Variants in SLCO6A1 observed in about 807,000 individuals in gnomAD.
The protein encoded by SLCO6A1 is solute carrier organic anion transporter family member 6A1, also known as cancer/testis antigen 48.
A neutral mutation model predicts 72.7 loss-of-function variants in SLCO6A1; 65 were observed. The ratio of observed to expected loss-of-function variants is 0.89; its 90% CI spans 0.73 to 1.10. The LOEUF is 1.10. Ranked by LOEUF, SLCO6A1 falls within the 50% of genes least tolerant of loss-of-function variation. The pLI is 0.00. For missense variants in SLCO6A1, 874 were observed against 872.6 expected (o/e 1.00, Z -0.02); for synonymous variants, 314 against 298.2 (o/e 1.05, Z -0.55).
intron 2 of SLCO6A1, among the ~76,000 whole-genome samples, chr5:102,479,332 T>C (rs1043931178): frequency 6.6e-6 from 1 of 152,200 alleles, no homozygotes; most frequent in African/African-American, 2.4e-5. Flanking sequence ...CTGTACAGGC[T>C]GCAGAACTGT....
At chr5:102,428,046 A>T (rs758215840) in intron 7 of SLCO6A1, among the ~76,000 whole-genome samples, 1 of 150,832 alleles carries the variant, frequency 6.6e-6, no homozygotes, top group Non-Finnish European at 1.5e-5. Flanking sequence ...TAATTTTTGT[A>T]TTTTTAGTAG....
chr5:102,461,923 A>G (rs538283177), intron 4 of SLCO6A1, among the ~76,000 whole-genome samples: 1 of 152,290 alleles, frequency 6.6e-6, no homozygotes, highest in African/African-American at 2.4e-5. Flanking sequence ...ATCAGTAAAG[A>G]GGAAGTCAAA....
At chr5:102,407,275 A>G (rs1747723434) in intron 9 of SLCO6A1, among the ~76,000 whole-genome samples, 1 of 152,188 alleles carries the variant, frequency 6.6e-6, no homozygotes, top group South Asian at 2.1e-4. Flanking sequence ...AAATTTCTGC[A>G]TAATCTGTCC....
At chr5:102,376,620 T>G (rs10041015) in intron 12 of SLCO6A1, among the ~76,000 whole-genome samples, 1 of 151,852 alleles carries the variant, frequency 6.6e-6, no homozygotes, top group Non-Finnish European at 1.5e-5. Flanking sequence ...AAGTCAATAA[T>G]AGAACACAAA....
chr5:102,420,686 T>C (rs530254439), intron 7 of SLCO6A1, among the ~76,000 whole-genome samples: 5 of 151,786 alleles, frequency 3.3e-5, no homozygotes, highest in African/African-American at 4.8e-5. Flanking sequence ...AATCCAAATA[T>C]ATAATACTGT....
At chr5:102,381,700 C>T (rs1487030888) in intron 12 of SLCO6A1, among the ~76,000 whole-genome samples, 1 of 148,858 alleles carries the variant, frequency 6.7e-6, no homozygotes, top group Admixed American at 6.7e-5. Context: ...TTGCAGGGTT[C>T]CCTTTTTTCC....
chr5:102,471,664 C>G (rs1463732007), intron 4 of SLCO6A1, among the ~76,000 whole-genome samples: 1 of 152,050 alleles, frequency 6.6e-6, no homozygotes, highest in Non-Finnish European at 1.5e-5. Flanking sequence ...TTATCCCTAG[C>G]AAGAATATCT....
intron 9 of SLCO6A1, among the ~76,000 whole-genome samples, chr5:102,401,005 T>A (rs1418094985): frequency 6.6e-6 from 1 of 151,906 alleles, no homozygotes; most frequent in Non-Finnish European, 1.5e-5. Context: ...ACTTGAGTAT[T>A]TAATGATAAG....
At position 102,388,813 on chromosome 5, in the gene SLCO6A1, C is replaced by T; in HGVS notation, c.1892G>A (p.Gly631Glu). The T allele has an allele frequency of 6.2e-7, 1 of 1,600,008 alleles. No individual in the cohort carries two copies. Among genetic ancestry groups the T allele is most frequent in the Non-Finnish European group, 8.5e-7 (1 of 1,176,344 alleles). ...VILRIFGTIP[G>E]PSIFKMSGET... is the part of the protein sequence containing the mutation. ...TCCTGACATTTTAAAGATTGATGGT[C>T]CAGGAATAGTCCCTATGAAAAATGC... is the stretch of plus-strand genomic sequence containing the variant. The change falls in exon 12 of 14, where the codon GGA becomes GAA. Residue 631 changes from glycine to glutamate, a missense_variant. Physicochemically the swap from Gly to Glu is moderately conservative, Grantham distance 98. Transcript: ENST00000506729.
chr5:102,373,478 T>C lies in SLCO6A1; in HGVS notation c.2034A>G (p.Leu678=), dbSNP rs375156373. 7.4e-5 allele frequency: 111 copies of C among 1,493,042 alleles called. No homozygotes were observed. Among genetic ancestry groups the C allele is most frequent in the Non-Finnish European group, 9.5e-5 (106 of 1,121,578 alleles). 92.5% of individuals were successfully genotyped at this position (1,493,042 alleles called of 1,614,324 possible). A position where few individuals can be genotyped will look rare whatever the true frequency, so the allele number is the denominator to read the frequency against. Residue 678 remains leucine, a synonymous_variant, in exon 13 of 14, where the codon CTA becomes CTG. Coordinates refer to ENST00000506729, the MANE Select transcript of SLCO6A1 (RefSeq NM_173488.5). ...CAATAGTAGTGAAGATGATAGTGCA[T>C]AGTTTGCAAAGAAAACCTAAATTTA... ...LLVGICFLCK[L]CTIIFTTIAF...
At chr5:102,461,531 A>G (rs987899560) in intron 4 of SLCO6A1, among the ~76,000 whole-genome samples, 4 of 152,162 alleles carry the variant, frequency 2.6e-5, no homozygotes, top group African/African-American at 9.6e-5. Context: ...ATAAAGCTTT[A>G]GTAACTAAAA....
intron 7 of SLCO6A1, among the ~76,000 whole-genome samples, chr5:102,433,990 C>T (rs1459064358): frequency 6.6e-6 from 1 of 152,054 alleles, no homozygotes; most frequent in Non-Finnish European, 1.5e-5. Context: ...CTTTCACTTT[C>T]AACCTTTTCA....
chr5:102,375,464 T>C (rs1269031090), intron 12 of SLCO6A1, among the ~76,000 whole-genome samples: 1 of 152,134 alleles, frequency 6.6e-6, no homozygotes, highest in Non-Finnish European at 1.5e-5. Flanking sequence ...TTTCAGTCTG[T>C]ATTATTCTAT....
intron 7 of SLCO6A1, among the ~76,000 whole-genome samples, chr5:102,436,267 A>G (rs2123134): frequency 0.64 from 97,113 of 151,994 alleles, 31,223 homozygotes; most frequent in African/African-American, 0.66. Context: ...GATGATATGC[A>G]GTTGGCTAGA....
intron 9 of SLCO6A1, among the ~76,000 whole-genome samples, chr5:102,406,956 T>C (rs1392398727): frequency 1.3e-5 from 2 of 152,154 alleles, no homozygotes; most frequent in Non-Finnish European, 2.9e-5. Flanking sequence ...GAAATGACTA[T>C]TTGTAGTCTG....
intron 11 of SLCO6A1, among the ~76,000 whole-genome samples, chr5:102,389,263 T>C (rs1425412629): frequency 6.6e-6 from 1 of 152,064 alleles, no homozygotes; most frequent in African/African-American, 2.4e-5. Flanking sequence ...ATCAAGACAT[T>C]GAGAAAAATA....
intron 12 of SLCO6A1, among the ~76,000 whole-genome samples, chr5:102,385,275 A>C (rs1195916923): frequency 6.6e-6 from 1 of 152,112 alleles, no homozygotes; most frequent in African/African-American, 2.4e-5. Context: ...TAGTGTTTTC[A>C]GTGAAGACTT....
At chr5:102,382,418 G>A (rs752022726) in intron 12 of SLCO6A1, among the ~76,000 whole-genome samples, 9 of 151,506 alleles carry the variant, frequency 5.9e-5, no homozygotes, top group African/African-American at 1.2e-4. Context: ...ATAGGGTTAC[G>A]CTTTCAGCTT....
intron 7 of SLCO6A1, among the ~76,000 whole-genome samples, chr5:102,434,597 A>G (rs990944141): frequency 2.6e-5 from 4 of 152,230 alleles, no homozygotes; most frequent in Non-Finnish European, 4.4e-5. Flanking sequence ...GCTTACAGAT[A>G]GGATGAAATT....
Sources: allele counts gnomAD v4.1 joint callset (sites outside exome capture counted in the v4.1 genomes callset), GRCh38; gene constraint gnomAD v4.1.1; transcripts MANE v1.5; gene names NCBI Gene and HGNC (gene_info 2026-07-23, HGNC 2026-07-21).